The following MTHFD1 variants were observed in gnomAD, a reference collection of about 807,000 sequenced individuals.
MTHFD1 encodes the protein methylenetetrahydrofolate dehydrogenase, cyclohydrolase and formyltetrahydrofolate synthetase 1.
A neutral mutation model predicts 110.3 loss-of-function variants in MTHFD1; 44 were observed. The ratio of observed to expected loss-of-function variants is 0.40; its 90% CI spans 0.31 to 0.51. MTHFD1 has a LOEUF of 0.51. Ranked by LOEUF, MTHFD1 falls within the 20% of genes least tolerant of loss-of-function variation. The probability of loss-of-function intolerance (pLI) is 0.60; values close to 1 mark genes in which losing one functional copy is unlikely to be tolerated. For synonymous variants in MTHFD1, 402 were observed against 428.8 expected (o/e 0.94, Z 0.77); for missense variants, 909 against 1,173.1 (o/e 0.77, Z 3.29).
At chr14:64,433,111 T>G (rs764462492) in intron 15 of MTHFD1, among the ~76,000 whole-genome samples, 3 of 151,768 alleles carry the variant, frequency 2.0e-5, no homozygotes, top group Non-Finnish European at 4.4e-5. Flanking sequence ...TTTCAAAAAT[T>G]TATTGGTTGG....
chr14:64,428,900 G>A (rs531990170), intron 12 of MTHFD1, among the ~76,000 whole-genome samples: 7 of 152,154 alleles, frequency 4.6e-5, no homozygotes, highest in African/African-American at 1.2e-4. Context: ...CTGCTCTTGA[G>A]CTTGTCTTAA....
intron 3 of MTHFD1, among the ~76,000 whole-genome samples, chr14:64,411,863 T>C (rs2077987852): frequency 6.6e-6 from 1 of 151,752 alleles, no homozygotes; most frequent in African/African-American, 2.4e-5. Flanking sequence ...ATAGTGCCAT[T>C]GCACTCCAGC....
chr14:64,435,731 C>T lies in MTHFD1; in HGVS notation c.1597+60C>T, dbSNP rs2078201736. The T allele has an allele frequency of 4.1e-6, 4 of 986,618 alleles. No homozygotes were observed. In the South Asian group the frequency reaches 5.1e-5, roughly 13 times the overall value. 61.1% of individuals were successfully genotyped at this position (986,618 alleles called of 1,614,324 possible). A position where few individuals can be genotyped will look rare whatever the true frequency, so the allele number is the denominator to read the frequency against. ...GCTATATTGCACACCCTACACCCTC[C>T]AGAAGAGTTGTTAAAATGTGAGGCT... On this transcript the variant is annotated intron_variant, in intron 16 of 27. Transcript: ENST00000652337.
chr14:64,446,019 T>C (rs2078286885), intron 22 of MTHFD1, among the ~76,000 whole-genome samples: 1 of 152,206 alleles, frequency 6.6e-6, no homozygotes, highest in Non-Finnish European at 1.5e-5. Context: ...TTTTTTGGGA[T>C]CAACAAACAT....
At chr14:64,412,993 C>T (rs2077996542) in intron 4 of MTHFD1, among the ~76,000 whole-genome samples, 1 of 151,730 alleles carries the variant, frequency 6.6e-6, no homozygotes, top group African/African-American at 2.4e-5. Context: ...CAGGGATGAA[C>T]ATTTGGTACT....
chr14:64,402,478 C>T (rs1391725894), intron 2 of MTHFD1, among the ~76,000 whole-genome samples: 3 of 152,160 alleles, frequency 2.0e-5, no homozygotes, highest in African/African-American at 7.2e-5. Context: ...ATACCAGTTT[C>T]ACTTTATTCA....
intron 22 of MTHFD1, among the ~76,000 whole-genome samples, chr14:64,446,842 G>A (rs887684242): frequency 2.6e-5 from 4 of 151,340 alleles, no homozygotes; most frequent in Admixed American, 1.3e-4. Flanking sequence ...ACGCCCAGCC[G>A]GTTTTTGGGG....
chr14:64,405,821 C>A (rs1007121538), intron 2 of MTHFD1, among the ~76,000 whole-genome samples: 16 of 152,190 alleles, frequency 1.1e-4, no homozygotes, highest in African/African-American at 3.6e-4. Flanking sequence ...ACTCACTCTC[C>A]ATCCTTTACC....
At chr14:64,440,541 G>T in intron 18 of MTHFD1, 2 of 467,214 alleles carry the variant, frequency 4.3e-6, no homozygotes, top group Non-Finnish European at 8.0e-6. Flanking sequence ...GTGGGTGTAT[G>T]ACTTCAATTT....
intron 16 of MTHFD1, among the ~76,000 whole-genome samples, chr14:64,437,452 A>G (rs754308183): frequency 2.6e-5 from 4 of 152,182 alleles, no homozygotes; most frequent in Non-Finnish European, 5.9e-5. Context: ...TCAGCACCTC[A>G]CTTCTGACAC....
At position 64,417,932 on chromosome 14, in the gene MTHFD1, A is replaced by G; in HGVS notation, c.523A>G (p.Lys175Glu). ...GRHAVVVGRSKIVGAPMHDLL... is the reference protein window; with the variant it reads ...GRHAVVVGRSEIVGAPMHDLL... ...GCATGCTGTGGTGGTTGGGCGCAGTAAAATAGTTGGGGCCCCGATGCATGA... is the reference window on the plus strand; with the variant it reads ...GCATGCTGTGGTGGTTGGGCGCAGTGAAATAGTTGGGGCCCCGATGCATGA... Residue 175 changes from lysine (K) to glutamate (E), a missense_variant, in exon 7 of 28, where the codon AAA becomes GAA. Lys to Glu is a moderately conservative substitution (Grantham distance 56, BLOSUM62 1). Coordinates refer to ENST00000652337, the MANE Select transcript of MTHFD1 (RefSeq NM_005956.4). This position sits in a 1 kb window ranked among gnomAD's most constrained non-coding sequence, Gnocchi z 4.4. The G allele has an allele frequency of 6.2e-7, 1 of 1,613,516 alleles. No individual in the cohort carries two copies. Among genetic ancestry groups the G allele is most frequent in the African/African-American group, 1.3e-5 (1 of 75,002 alleles).
chr14:64,428,101 T>G (rs2078131244), intron 12 of MTHFD1, among the ~76,000 whole-genome samples: 1 of 124,306 alleles, frequency 8.0e-6, no homozygotes, highest in African/African-American at 3.1e-5. Flanking sequence ...TAAGAACATG[T>G]GTTTTTTTTT....
chr14:64,423,243 G>A (rs570611689), intron 8 of MTHFD1, among the ~76,000 whole-genome samples: 1 of 152,008 alleles, frequency 6.6e-6, no homozygotes, highest in Non-Finnish European at 1.5e-5. Flanking sequence ...AATATCTTAC[G>A]TATCTGTGGT....
intron 12 of MTHFD1, among the ~76,000 whole-genome samples, chr14:64,428,065 C>G (rs1269472271): frequency 1.3e-5 from 2 of 150,646 alleles, no homozygotes; most frequent in African/African-American, 2.4e-5. Flanking sequence ...TCGCACTTTA[C>G]CTTCAGATTT....
Position 64,447,726 on chromosome 14 carries a change from G to A in MTHFD1, c.2179-491G>A, listed in dbSNP as rs934365102. Among the ~76,000 whole-genome samples, 7 of 152,116 alleles carry A rather than the reference G, an allele frequency of 4.6e-5. No homozygotes were observed. The East Asian group carries it at 5.8e-4, about 13-fold the overall frequency. On this transcript the variant is annotated intron_variant, in intron 22 of 27. Transcript: ENST00000652337. Reference sequence around the variant, plus strand: ...CTTCATATTTCCTGGCAGTATTTACGGCAGCCATATAACGAATACCTCTTC... The same window carrying A: ...CTTCATATTTCCTGGCAGTATTTACAGCAGCCATATAACGAATACCTCTTC...
At chr14:64,436,151 G>A (rs112000184) in intron 16 of MTHFD1, among the ~76,000 whole-genome samples, 9,474 of 151,852 alleles carry the variant, frequency 0.062, 525 homozygotes, top group African/African-American at 0.16. Context: ...CTAGAGTGCA[G>A]TGGCACAGTA....
chr14:64,432,024 G>A (rs1472338732), intron 15 of MTHFD1, among the ~76,000 whole-genome samples, 163 bp downstream of exon 15: 1 of 151,670 alleles, frequency 6.6e-6, no homozygotes, highest in African/African-American at 2.4e-5. Context: ...GATGGTAGAG[G>A]TTATTTCTCA....
At chr14:64,455,830 C>T (rs189250993) in intron 26 of MTHFD1, among the ~76,000 whole-genome samples, 107 of 152,348 alleles carry the variant, frequency 7.0e-4, no homozygotes, top group African/African-American at 2.4e-3. Flanking sequence ...CTGCCCTCAG[C>T]TCACACTGTA....
At chr14:64,453,528 G>A (rs1173910988) in intron 24 of MTHFD1, among the ~76,000 whole-genome samples, 3 of 152,094 alleles carry the variant, frequency 2.0e-5, no homozygotes, top group Admixed American at 1.3e-4. Context: ...CTGAGATCGC[G>A]CCATTGCACT....
Sources: gnomAD v4.1 joint callset for allele counts (sites outside exome capture counted in the v4.1 genomes callset) on GRCh38, gnomAD v4.1.1 for gene constraint, Gnocchi (gnomAD v3.1) non-coding constraint, MANE v1.5 for transcripts, NCBI Gene and HGNC (gene_info 2026-07-23, HGNC 2026-07-21) for gene names.